Variants in AUTS2 observed in about 807,000 individuals in gnomAD.
AUTS2 encodes the protein activator of transcription and developmental regulator AUTS2, also known as autism susceptibility gene 2 protein.
A neutral mutation model predicts 112.4 loss-of-function variants in AUTS2; 17 were observed. The observed-to-expected ratio is 0.15, with a 90% confidence interval of 0.10 to 0.23. The LOEUF (loss-of-function observed/expected upper bound fraction) is 0.23, where lower values mean the gene tolerates loss of function less well. Ranked by LOEUF, AUTS2 falls within the 10% of genes least tolerant of loss-of-function variation. The pLI, the probability that AUTS2 is intolerant of heterozygous loss-of-function variation, is 1.00. For synonymous variants in AUTS2, 751 were observed against 702.7 expected, an observed-to-expected ratio of 1.07 and a Z score of -1.09; for missense variants, 1,510 against 1,701.6, an observed-to-expected ratio of 0.89 and a Z score of 1.98.
intron 4 of AUTS2, among the ~76,000 whole-genome samples, chr7:70,373,156 G>T (rs73173575): frequency 0.044 from 6,731 of 151,810 alleles, 209 homozygotes; most frequent in Middle Eastern, 0.1. Flanking sequence ...AAACCAGGGG[G>T]GAGTGGGGGA....
intron 5 of AUTS2, among the ~76,000 whole-genome samples, chr7:70,622,132 C>A (rs928768947): frequency 1.3e-5 from 2 of 151,992 alleles, no homozygotes; most frequent in South Asian, 2.1e-4. Context: ...GCCATTGCGC[C>A]TGGCTAGCAT....
chr7:70,411,509 G>A (rs1794774286), intron 4 of AUTS2, among the ~76,000 whole-genome samples: 1 of 152,044 alleles, frequency 6.6e-6, no homozygotes. Context: ...CACAGCATAG[G>A]TAAACACACT....
intron 1 of AUTS2, among the ~76,000 whole-genome samples, chr7:69,656,264 T>G (rs1158096987): frequency 3.3e-5 from 5 of 152,154 alleles, no homozygotes; most frequent in African/African-American, 7.2e-5. Flanking sequence ...CCCCTAGATC[T>G]CCTGGAAAGG....
intron 1 of AUTS2, among the ~76,000 whole-genome samples, chr7:69,735,085 A>G (rs1729325836): frequency 6.6e-6 from 1 of 152,214 alleles, no homozygotes; most frequent in South Asian, 2.1e-4. Context: ...AATTTGTAGG[A>G]TATACTTGCC....
chr7:70,251,666 A>G (rs1344505704), intron 4 of AUTS2, among the ~76,000 whole-genome samples: 1 of 152,116 alleles, frequency 6.6e-6, no homozygotes, highest in Non-Finnish European at 1.5e-5. Context: ...TCTGTACTAC[A>G]TTCCAGATGA....
chr7:70,510,942 G>A lies in AUTS2; in HGVS notation c.690+75161G>A, dbSNP rs539200631. Among the ~76,000 whole-genome samples the A allele has an allele frequency of 2.0e-4, 31 of 152,064 alleles. 1 individual carries two copies. The East Asian group carries it at 4.1e-3, about 20-fold the overall frequency. On this transcript the variant is annotated intron_variant, in intron 5 of 18. Transcript: ENST00000342771. ...TGGCTCACTGCAACCTCCACCTCCC[G>A]GGTTCAAGTGATTGTCCTGCCTCAG...
rs565047095 is a variant in AUTS2 at position 70,218,510 on chromosome 7, G to A, written c.660+83939G>A. ...GTCCTTGCCCTCAGGGTCTGTGATC[G>A]GCCACTGAGGCACACATTTCCACTT... On this transcript the variant is annotated intron_variant, in intron 4 of 18. Transcript: ENST00000342771. 9.9e-5 allele frequency among the ~76,000 whole-genome samples: 15 copies of A among 152,098 alleles called. No homozygotes were observed. The East Asian group carries it at 2.1e-3, about 22-fold the overall frequency.
At chr7:69,604,706 T>A (rs1164067390) in intron 1 of AUTS2, among the ~76,000 whole-genome samples, 1 of 152,166 alleles carries the variant, frequency 6.6e-6, no homozygotes, top group Non-Finnish European at 1.5e-5. Flanking sequence ...CTGGTGGAAA[T>A]GAGTACAAAG....
chr7:70,439,100 C>T (rs1361137844), intron 5 of AUTS2, among the ~76,000 whole-genome samples: 1 of 152,186 alleles, frequency 6.6e-6, no homozygotes, highest in Non-Finnish European at 1.5e-5. Flanking sequence ...GCTAAAAAAG[C>T]AGAGCTTTCC....
At chr7:69,678,668 G>T (rs1796672773) in intron 1 of AUTS2, among the ~76,000 whole-genome samples, 1 of 152,100 alleles carries the variant, frequency 6.6e-6, no homozygotes, top group Non-Finnish European at 1.5e-5. Context: ...CTCAACTTTT[G>T]TTCTTGTGGA....
chr7:70,101,657 T>G (rs530270867), intron 2 of AUTS2, among the ~76,000 whole-genome samples: 4 of 152,282 alleles, frequency 2.6e-5, no homozygotes, highest in Admixed American at 2.6e-4. Context: ...GTTGTGCTAC[T>G]GCACTCCAGC....
intron 4 of AUTS2, among the ~76,000 whole-genome samples, chr7:70,376,324 A>C (rs980138036): frequency 6.6e-6 from 1 of 152,148 alleles, no homozygotes; most frequent in East Asian, 1.9e-4. Flanking sequence ...CAGATAGCAC[A>C]TATTTTAGCC....
chr7:70,356,794 G>A (rs1273127883), intron 4 of AUTS2, among the ~76,000 whole-genome samples: 2 of 151,696 alleles, frequency 1.3e-5, no homozygotes, highest in Non-Finnish European at 2.9e-5. Flanking sequence ...CATCAGTGGA[G>A]ACTTTGTTTA....
At chr7:70,390,744 T>C (rs1793815093) in intron 4 of AUTS2, among the ~76,000 whole-genome samples, 1 of 152,072 alleles carries the variant, frequency 6.6e-6, no homozygotes, top group Admixed American at 6.6e-5. Context: ...AGTTCCCCCA[T>C]TCTGTGACCT....
chr7:69,899,234 C>T, intron 1 of AUTS2, 52 bp from the exon 2 acceptor site: 2 of 1,400,856 alleles, frequency 1.4e-6, no homozygotes, highest in Non-Finnish European at 2.0e-6. Context: ...TGGGTGTGAC[C>T]CTAGATACCT....
At chr7:69,894,586 A>G (rs1485037570) in intron 1 of AUTS2, among the ~76,000 whole-genome samples, 3 of 152,122 alleles carry the variant, frequency 2.0e-5, no homozygotes, top group African/African-American at 7.2e-5. Flanking sequence ...AGTTAGTAAG[A>G]TCTGTTGGTA....
At position 70,130,520 on chromosome 7, in the gene AUTS2, C is replaced by G. The variant is rs562508044; in HGVS notation, c.625-4016C>G. Among the ~76,000 whole-genome samples the G allele has an allele frequency of 2.6e-5, 4 of 152,192 alleles. No homozygotes were observed. The South Asian group carries it at 8.3e-4, about 32-fold the overall frequency. On this transcript the variant is annotated intron_variant, in intron 3 of 18. Transcript: ENST00000342771. ...ACTTGAATGTCAGCAGCAACATTCTCCCTCCTGGAAAATGTCTTTCAACTG... is the reference window on the plus strand; with the variant it reads ...ACTTGAATGTCAGCAGCAACATTCTGCCTCCTGGAAAATGTCTTTCAACTG...
At chr7:70,730,830 G>A (rs147837632) in intron 6 of AUTS2, among the ~76,000 whole-genome samples, 96 of 152,264 alleles carry the variant, frequency 6.3e-4, no homozygotes, top group African/African-American at 2.1e-3. Context: ...ACTGCCAGAC[G>A]GTTCTCCAAA....
At chr7:70,333,077 T>C (rs753266693) in intron 4 of AUTS2, among the ~76,000 whole-genome samples, 18 of 152,302 alleles carry the variant, frequency 1.2e-4, no homozygotes, top group Non-Finnish European at 2.5e-4. Flanking sequence ...GACAAAGAGC[T>C]ACTATCCAGA....
Sources: allele counts gnomAD v4.1 joint callset (sites outside exome capture counted in the v4.1 genomes callset), GRCh38; gene constraint gnomAD v4.1.1; transcripts MANE v1.5; gene names NCBI Gene and HGNC (gene_info 2026-07-23, HGNC 2026-07-21).